SLC12A2: variants seen among roughly 807,000 people sequenced by gnomAD.
SLC12A2 encodes the protein solute carrier family 12 member 2, also known as Na-K-2Cl cotransporter 1.
Under a neutral mutation model 136.3 loss-of-function variants are expected in SLC12A2, and 67 were observed. The ratio of observed to expected loss-of-function variants is 0.49; its 90% confidence interval spans 0.40 to 0.60. The LOEUF (loss-of-function observed/expected upper bound fraction) is 0.60. Among genes scored for constraint, SLC12A2 ranks in the 20% least tolerant of loss-of-function variants. The pLI, the probability that SLC12A2 is intolerant of heterozygous loss-of-function variation, is 0.00. For missense variants in SLC12A2, 1,322 were observed against 1,534.7 expected, an observed-to-expected ratio of 0.86 and a Z score of 2.32; for synonymous variants, 619 against 562.9, an observed-to-expected ratio of 1.10 and a Z score of -1.41.
At chr5:128,129,652 G>A (rs530448409) in intron 4 of SLC12A2, among the ~76,000 whole-genome samples, 1 of 151,934 alleles carries the variant, frequency 6.6e-6, no homozygotes, top group Non-Finnish European at 1.5e-5. Flanking sequence ...TTTTGTTGGT[G>A]CATTTACCTT....
In SLC12A2 at chr5:128,184,415, G is replaced by T; in HGVS notation, c.3349G>T (p.Asp1117Tyr). Residue 1117 changes from aspartate (D) to tyrosine (Y), a missense_variant, in exon 25 of 27, where the codon GAT (aspartate) becomes TAT (tyrosine). Coordinates refer to ENST00000262461, the MANE Select transcript of SLC12A2 (RefSeq NM_001046.3). ...IIEPYRLHED[D>Y]KEQDIADKMK... Reference sequence around the variant, plus strand: ...TGAGCCATACAGACTTCATGAAGATGATAAAGAGCAAGATATTGCAGATAA... The same window carrying T: ...TGAGCCATACAGACTTCATGAAGATTATAAAGAGCAAGATATTGCAGATAA... 2 of 1,600,760 alleles carry T rather than the reference G, an allele frequency of 1.2e-6. No homozygotes were observed. The highest frequency in any genetic ancestry group is 1.7e-6 in the Non-Finnish European group (2 of 1,171,498).
intron 18 of SLC12A2, 46 bp from the exon 19 acceptor site, chr5:128,171,621 G>C: frequency 8.1e-7 from 1 of 1,228,774 alleles, no homozygotes; most frequent in Non-Finnish European, 1.1e-6. Context: ...ACAAATTTTT[G>C]TGATTTTTTT....
chr5:128,144,696 C>A (rs1294218521), intron 10 of SLC12A2, among the ~76,000 whole-genome samples: 1 of 152,110 alleles, frequency 6.6e-6, no homozygotes, highest in African/African-American at 2.4e-5. Flanking sequence ...TGTTTGTACA[C>A]ACACACATGC....
chr5:128,105,481 A>G (rs1300563984), intron 1 of SLC12A2, among the ~76,000 whole-genome samples: 2 of 152,198 alleles, frequency 1.3e-5, no homozygotes, highest in African/African-American at 4.8e-5. Context: ...TGAAAAATGT[A>G]CATTAGATTT....
intron 4 of SLC12A2, among the ~76,000 whole-genome samples, chr5:128,120,481 T>G (rs376445015): frequency 6.6e-6 from 1 of 151,682 alleles, no homozygotes; most frequent in Non-Finnish European, 1.5e-5. Flanking sequence ...AATGATAGAC[T>G]GGATTAAGAA....
At chr5:128,142,094 A>G in intron 10 of SLC12A2, 113 bp downstream of exon 10, 2 of 890,628 alleles carry the variant, frequency 2.2e-6, no homozygotes, top group Non-Finnish European at 1.7e-6. Flanking sequence ...GACAGTTGTT[A>G]TTTTTTTTAA....
intron 23 of SLC12A2, among the ~76,000 whole-genome samples, chr5:128,182,237 G>A (rs1763728754): frequency 6.6e-6 from 1 of 152,004 alleles, no homozygotes; most frequent in African/African-American, 2.4e-5. Context: ...ATTGCATTTT[G>A]TTAATTGCTT....
chr5:128,085,234 C>G lies in SLC12A2; in HGVS notation c.756+524C>G, dbSNP rs556723454. Among the ~76,000 whole-genome samples, 41 of 152,014 alleles carry G rather than the reference C, an allele frequency of 2.7e-4. 1 individual carries two copies. In the East Asian group the frequency reaches 6.4e-3, roughly 24 times the overall value. On this transcript the variant is annotated intron_variant, in intron 1 of 26. Transcript: ENST00000262461. ...ATGAGTTATTAAAGCTCAATTCTTG[C>G]AATCTTGAATATACAAAGGATCATA...
rs147025229 is a variant in SLC12A2, at chr5:128,174,287, A to AT, written c.2804-253dup. Reference sequence around the variant, plus strand: ...CTGATCCAGAAATCCCAAATCTGAAATGCTCCATTGAGCATCATGTTAGGC... The same window carrying AT: ...CTGATCCAGAAATCCCAAATCTGAAATTGCTCCATTGAGCATCATGTTAGGC... On this transcript the variant is annotated intron_variant, in intron 19 of 26. Transcript: ENST00000262461. 7.7e-3 allele frequency among the ~76,000 whole-genome samples: 1,177 copies of AT among 152,252 alleles called. 17 individuals carry two copies. Among genetic ancestry groups the AT allele is most frequent in the African/African-American group, 0.026 (1,099 of 41,570 alleles).
chr5:128,121,744 A>T (rs1561670318), intron 4 of SLC12A2, among the ~76,000 whole-genome samples: 1 of 152,148 alleles, frequency 6.6e-6, no homozygotes, highest in Non-Finnish European at 1.5e-5. Flanking sequence ...TTCTGTCATA[A>T]TCCCTGCCTG....
Position 128,126,966 on chromosome 5 carries a change from A to ATATATATAATTTTTT in SLC12A2, c.1049-4100_1049-4099insATATATAATTTTTTT. On this transcript the variant is annotated intron_variant, in intron 4 of 26. Coordinates refer to ENST00000262461, the MANE Select transcript of SLC12A2 (RefSeq NM_001046.3). ...CATATATATATATATATATATATAT[A>ATATATATAATTTTTT]TTTTTTTTTTTTTTTTTTTTTGCAT... Among the ~76,000 whole-genome samples, 21 of 21,158 alleles carry ATATATATAATTTTTT rather than the reference A, an allele frequency of 9.9e-4. 2 individuals are homozygous for ATATATATAATTTTTT. The highest frequency in any genetic ancestry group is 1.4e-3 in the Non-Finnish European group (18 of 12,984). The allele number at this position is 21,158 out of a possible 152,430, so 13.9% of individuals were successfully genotyped here. A position where few individuals can be genotyped will look rare whatever the true frequency, so the allele number is the denominator to read the frequency against.
chr5:128,171,718 T>C lies in SLC12A2; in HGVS notation c.2775T>C (p.Gly925=). Residue 925 remains glycine (G), a synonymous_variant, in exon 19 of 27, where the codon GGT becomes GGC. Transcript: ENST00000262461. ...YGVVVIRLKE[G]LDISHLQGQE... is the part of the protein sequence containing the mutation. ...TAGTGGTTATTCGCCTAAAAGAAGG[T>C]CTGGATATATCTCATCTTCAAGGAC... 1.9e-6 allele frequency: 3 copies of C among 1,586,244 alleles called. No homozygotes were observed. The South Asian group carries it at 3.5e-5, about 18-fold the overall frequency.
intron 4 of SLC12A2, among the ~76,000 whole-genome samples, chr5:128,125,518 AT>A (rs749035950): frequency 6.6e-6 from 1 of 151,950 alleles, no homozygotes; most frequent in South Asian, 2.1e-4. Flanking sequence ...TTTGTTACTG[AT>A]TTGTAGATTT....
At chr5:128,094,928 A>T (rs1760467988) in intron 1 of SLC12A2, among the ~76,000 whole-genome samples, 1 of 152,146 alleles carries the variant, frequency 6.6e-6, no homozygotes, top group Non-Finnish European at 1.5e-5. Context: ...TTATCATTGG[A>T]CAATTGAGAT....
chr5:128,150,525 A>G (rs1196891555), intron 13 of SLC12A2, among the ~76,000 whole-genome samples: 2 of 151,866 alleles, frequency 1.3e-5, no homozygotes, highest in Non-Finnish European at 3.0e-5. Context: ...GTTCCTTTTA[A>G]AGATTTGAAA....
At chr5:128,129,535 T>TA (rs1436838988) in intron 4 of SLC12A2, among the ~76,000 whole-genome samples, 2 of 152,094 alleles carry the variant, frequency 1.3e-5, no homozygotes, top group African/African-American at 4.8e-5. Context: ...TGGATGGGTT[T>TA]AAAGTGTAGA....
At chr5:128,153,399 A>G (rs1762768384) in intron 15 of SLC12A2, among the ~76,000 whole-genome samples, 1 of 152,178 alleles carries the variant, frequency 6.6e-6, no homozygotes, top group African/African-American at 2.4e-5. Flanking sequence ...TACTAAAAAT[A>G]CAAAAATTAG....
chr5:128,084,514 C>CCGG lies in SLC12A2; in HGVS notation c.574_576dup (p.Gly192dup), dbSNP rs751759733. On this transcript the variant is annotated inframe_insertion, in exon 1 of 27. Coordinates refer to ENST00000262461, the MANE Select transcript of SLC12A2 (RefSeq NM_001046.3). This position sits in a 1 kb window ranked among gnomAD's most constrained non-coding sequence, Gnocchi z 5.6. ...CTGAGCGAGGGCAGCAGCCTGCACT[C>CCGG]CGGCGGCGGCGGCGGCAGTGGGCAC... 192 of 1,607,654 alleles carry CCGG rather than the reference C, an allele frequency of 1.2e-4. No homozygotes were observed. In the East Asian group the frequency reaches 1.3e-3, roughly 11 times the overall value.
At chr5:128,111,959 T>C (rs537663925) in intron 1 of SLC12A2, among the ~76,000 whole-genome samples, 24 of 152,288 alleles carry the variant, frequency 1.6e-4, no homozygotes, top group African/African-American at 5.8e-4. Context: ...CTCTGCTGTT[T>C]AGATGTGGGT....
Sources: gnomAD v4.1 joint callset for allele counts (sites outside exome capture counted in the v4.1 genomes callset) on GRCh38, gnomAD v4.1.1 for gene constraint, Gnocchi (gnomAD v3.1) non-coding constraint, MANE v1.5 for transcripts, NCBI Gene and HGNC (gene_info 2026-07-23, HGNC 2026-07-21) for gene names.